Variants in OCIAD1 observed in about 807,000 individuals in gnomAD.
The protein encoded by OCIAD1 is OCIA domain-containing protein 1.
OCIAD1 carries 29 observed loss-of-function variants against 38.9 expected under a neutral mutation model. That is an observed-to-expected ratio of 0.74 (90% confidence interval 0.55 to 1.02). OCIAD1 has a LOEUF of 1.02. Ranked by LOEUF, OCIAD1 falls within the 50% of genes least tolerant of loss-of-function variation. The pLI, the probability that OCIAD1 is intolerant of heterozygous loss-of-function variation, is 0.00. For synonymous variants in OCIAD1, 110 were observed against 92.0 expected, an observed-to-expected ratio of 1.20 and a Z score of -1.12; for missense variants, 288 against 289.6, an observed-to-expected ratio of 0.99 and a Z score of 0.04.
In OCIAD1 at chr4:48,833,181, G is replaced by A. The variant is rs1467914866; in HGVS notation, c.59-220G>A. ...CAGGAGAATCGCTTGAACCCCGGGA[G>A]GTGGAGGTTGCAGTGAGCCGAGATC... On this transcript the variant is annotated intron_variant, in intron 2 of 8. Coordinates refer to ENST00000264312, the MANE Select transcript of OCIAD1 (RefSeq NM_017830.4). Among the ~76,000 whole-genome samples the A allele has an allele frequency of 3.3e-5, 5 of 152,246 alleles. No individual in the cohort carries two copies. The East Asian group carries it at 9.6e-4, about 29-fold the overall frequency.
rs3761730 is a variant in OCIAD1, at chr4:48,849,690, T to A, written c.242-257T>A. ...CCTGTATATATTATAAAGTAATTAG[T>A]ATACTATAATTGATTTATTTATAGC... On this transcript the variant is annotated intron_variant, in intron 5 of 8. Transcript: ENST00000264312. Among the ~76,000 whole-genome samples, 3 of 152,184 alleles carry A rather than the reference T, an allele frequency of 2.0e-5. No homozygotes were observed. In the East Asian group the frequency reaches 5.8e-4, roughly 29 times the overall value.
chr4:48,808,497 A>C (rs1180946662), intron 1 of OCIAD1, among the ~76,000 whole-genome samples: 1 of 152,010 alleles, frequency 6.6e-6, no homozygotes, highest in Admixed American at 6.6e-5. Context: ...AGAAAAAAAA[A>C]AGGAAAAAGA....
chr4:48,805,633 G>A (rs1486574373), intron 1 of OCIAD1, among the ~76,000 whole-genome samples: 5 of 151,786 alleles, frequency 3.3e-5, no homozygotes, highest in South Asian at 2.1e-4. Context: ...GCAGTGAGCT[G>A]TGATTGGGCC....
chr4:48,824,154 AT>A (rs1202753234), intron 1 of OCIAD1, among the ~76,000 whole-genome samples: 1 of 151,276 alleles, frequency 6.6e-6, no homozygotes, highest in African/African-American at 2.4e-5. Context: ...AATTTTTTGT[AT>A]TTTTTTGTAG....
chr4:48,825,812 C>T (rs2109498871), intron 1 of OCIAD1, among the ~76,000 whole-genome samples: 1 of 135,882 alleles, frequency 7.4e-6, no homozygotes, highest in Non-Finnish European at 1.6e-5. Flanking sequence ...TTCTTTCTTT[C>T]TTACTTTCTT....
At chr4:48,834,333 A>T (rs1777787903) in intron 3 of OCIAD1, among the ~76,000 whole-genome samples, 2 of 152,150 alleles carry the variant, frequency 1.3e-5, no homozygotes, top group Non-Finnish European at 2.9e-5. Flanking sequence ...AACCATGCCC[A>T]GCAAATTTTT....
rs539861913 is a variant in OCIAD1, at chr4:48,846,564, T to C, written c.194-1835T>C. On this transcript the variant is annotated intron_variant, in intron 4 of 8. Coordinates refer to ENST00000264312, the MANE Select transcript of OCIAD1 (RefSeq NM_017830.4). ...GTGATTGAGACCATCCTGGCCAATA[T>C]GGTGAAACCCTGTCTCTACTAAAAA... is the stretch of plus-strand genomic sequence containing the variant. 3.9e-5 allele frequency among the ~76,000 whole-genome samples: 6 copies of C among 152,134 alleles called. No homozygotes were observed. The East Asian group carries it at 9.7e-4, about 24-fold the overall frequency.
chr4:48,839,009 T>A (rs1444362533), intron 3 of OCIAD1, among the ~76,000 whole-genome samples: 2 of 152,228 alleles, frequency 1.3e-5, no homozygotes, highest in Non-Finnish European at 1.5e-5. Context: ...TTATTGCATA[T>A]TCATGTTAAA....
intron 7 of OCIAD1, among the ~76,000 whole-genome samples, chr4:48,853,827 G>A (rs1271484802): frequency 3.3e-5 from 5 of 152,128 alleles, no homozygotes; most frequent in South Asian, 2.1e-4. Flanking sequence ...AGCAAAAGTC[G>A]GGGCAAAGGG....
chr4:48,828,814 C>T (rs370837389), upstream of OCIAD1, among the ~76,000 whole-genome samples: 4 of 152,254 alleles, frequency 2.6e-5, no homozygotes, highest in African/African-American at 4.8e-5. Flanking sequence ...TAACGCTCAC[C>T]GTGAGGGTCC....
intron 1 of OCIAD1, among the ~76,000 whole-genome samples, chr4:48,820,259 G>T (rs577118621): frequency 6.6e-6 from 1 of 152,212 alleles, no homozygotes; most frequent in Non-Finnish European, 1.5e-5. Flanking sequence ...ACTCAAATCC[G>T]CACAACTACA....
intron 4 of OCIAD1, among the ~76,000 whole-genome samples, chr4:48,844,403 T>G (rs1358919537): frequency 1.3e-5 from 2 of 151,902 alleles, no homozygotes; most frequent in Non-Finnish European, 2.9e-5. Context: ...ATCACAAGGT[T>G]AGGAAATCGA....
At chr4:48,844,041 G>T (rs1778763462) in intron 4 of OCIAD1, among the ~76,000 whole-genome samples, 1 of 152,198 alleles carries the variant, frequency 6.6e-6, no homozygotes, top group African/African-American at 2.4e-5. Flanking sequence ...AAAGATCTTT[G>T]TAGGGCTGTT....
At chr4:48,860,612 G>A in intron 8 of OCIAD1, 113 bp from the exon 9 acceptor site, 1 of 848,510 alleles carries the variant, frequency 1.2e-6, no homozygotes, top group East Asian at 2.5e-5. Flanking sequence ...ACTCTCATGT[G>A]CTTTTATTCA....
At chr4:48,855,612 T>A (rs765505934) in intron 7 of OCIAD1, among the ~76,000 whole-genome samples, 1 of 151,680 alleles carries the variant, frequency 6.6e-6, no homozygotes, top group African/African-American at 2.4e-5. Flanking sequence ...GAGGTCAGAG[T>A]TCAAGACCAG....
At chr4:48,818,157 C>T (rs1325345933) in intron 1 of OCIAD1, among the ~76,000 whole-genome samples, 2 of 152,192 alleles carry the variant, frequency 1.3e-5, no homozygotes, top group African/African-American at 2.4e-5. Flanking sequence ...TTGACAGACA[C>T]CTCTTACAGG....
At chr4:48,815,393 T>C (rs1001589267) in intron 1 of OCIAD1, among the ~76,000 whole-genome samples, 37 of 152,200 alleles carry the variant, frequency 2.4e-4, no homozygotes, top group African/African-American at 8.7e-4. Context: ...AGACTCAGGA[T>C]TGACAATGTA....
intron 4 of OCIAD1, among the ~76,000 whole-genome samples, chr4:48,847,882 T>G (rs991705353): frequency 1.3e-5 from 2 of 152,224 alleles, no homozygotes; most frequent in African/African-American, 4.8e-5. Context: ...AGCTTTTCAA[T>G]TTTTGTAAAA....
chr4:48,829,175 G>A (rs1777293243), upstream of OCIAD1, among the ~76,000 whole-genome samples: 1 of 151,802 alleles, frequency 6.6e-6, no homozygotes, highest in Non-Finnish European at 1.5e-5. Context: ...CACAAGAATT[G>A]CTTGAATCTG....
Sources: allele counts gnomAD v4.1 joint callset (sites outside exome capture counted in the v4.1 genomes callset), GRCh38; gene constraint gnomAD v4.1.1; transcripts MANE v1.5; gene names NCBI Gene and HGNC (gene_info 2026-07-23, HGNC 2026-07-21).